NTRK2: variants seen among roughly 807,000 people sequenced by gnomAD.
The protein encoded by NTRK2 is BDNF/NT-3 growth factors receptor.
In NTRK2, 13 loss-of-function variants were observed where a neutral mutation model predicts 94.5. The observed-to-expected ratio is 0.14, with a 90% confidence interval of 0.09 to 0.22. The LOEUF (loss-of-function observed/expected upper bound fraction) is 0.22, where lower values mean the gene tolerates loss of function less well. NTRK2 is among the 10% of genes least tolerant of loss of function. The probability of loss-of-function intolerance (pLI) is 1.00; values close to 1 mark genes in which losing one functional copy is unlikely to be tolerated. For missense variants in NTRK2, 639 were observed against 1,071.2 expected (o/e 0.60, Z 5.63); for synonymous variants, 372 against 407.4 (o/e 0.91, Z 1.05).
rs148689248 is a variant in NTRK2, at chr9:84,706,809, C to T, written c.360-1035C>T. 1.4e-4 allele frequency among the ~76,000 whole-genome samples: 22 copies of T among 152,074 alleles called. No individual in the cohort carries two copies. In the East Asian group the frequency reaches 3.7e-3, roughly 26 times the overall value. On this transcript the variant is annotated intron_variant, in intron 4 of 18. Transcript: ENST00000277120. ...CCTCCCAAAGTGCTGGGATTACAGGCGTGAGCCACCGCACCTGGCCAGATC... is the reference window on the plus strand; with the variant it reads ...CCTCCCAAAGTGCTGGGATTACAGGTGTGAGCCACCGCACCTGGCCAGATC...
intron 14 of NTRK2, among the ~76,000 whole-genome samples, chr9:84,906,139 G>C (rs1301585817): frequency 1.3e-5 from 2 of 152,180 alleles, no homozygotes; most frequent in Non-Finnish European, 2.9e-5. Context: ...GGGAGATTTG[G>C]CTCTTGAGAA....
chr9:84,785,667 G>T (rs891322013), intron 12 of NTRK2, among the ~76,000 whole-genome samples: 2 of 152,156 alleles, frequency 1.3e-5, no homozygotes, highest in African/African-American at 4.8e-5. Flanking sequence ...GAATCTTCCA[G>T]TTTGAGAAGT....
At chr9:84,808,966 A>G (rs2071434138) in intron 12 of NTRK2, among the ~76,000 whole-genome samples, 1 of 152,146 alleles carries the variant, frequency 6.6e-6, no homozygotes, top group Non-Finnish European at 1.5e-5. Context: ...TCCAAAGTTG[A>G]ACTTGAAAAT....
Position 84,698,104 on chromosome 9 carries a change from A to C in NTRK2, c.213-4055A>C, listed in dbSNP as rs186003451. On this transcript the variant is annotated intron_variant, in intron 2 of 18. Coordinates refer to ENST00000277120, the MANE Select transcript of NTRK2 (RefSeq NM_006180.6). ...TAATAAAATAGTTTAGCAGTTTAAT[A>C]ACATAAATGGTATAAATAGTTTCTG... 2.6e-5 allele frequency among the ~76,000 whole-genome samples: 4 copies of C among 152,266 alleles called. No individual in the cohort carries two copies. In the East Asian group the frequency reaches 7.7e-4, roughly 29 times the overall value.
At chr9:84,953,269 C>T (rs1279889124) in intron 16 of NTRK2, among the ~76,000 whole-genome samples, 1 of 152,220 alleles carries the variant, frequency 6.6e-6, no homozygotes, top group Non-Finnish European at 1.5e-5. Context: ...TTTCACATCA[C>T]CTGTCAATTT....
intron 17 of NTRK2, among the ~76,000 whole-genome samples, chr9:84,988,997 A>G (rs949022492): frequency 6.6e-6 from 1 of 152,250 alleles, no homozygotes. Context: ...AAATTATGCT[A>G]TCCTTGGAGC....
At chr9:84,931,530 T>A (rs2078029657) in intron 14 of NTRK2, among the ~76,000 whole-genome samples, 1 of 151,660 alleles carries the variant, frequency 6.6e-6, no homozygotes, top group Non-Finnish European at 1.5e-5. Context: ...TAAATGCAAA[T>A]ATAGTAGCCC....
chr9:84,686,707 A>G (rs1366259290), intron 2 of NTRK2, among the ~76,000 whole-genome samples: 1 of 152,238 alleles, frequency 6.6e-6, no homozygotes, highest in African/African-American at 2.4e-5. Flanking sequence ...TGCAGTAAAA[A>G]TGCATTGGGC....
At chr9:84,877,525 A>G in intron 14 of NTRK2, 4 of 1,066,642 alleles carry the variant, frequency 3.8e-6, no homozygotes, top group Non-Finnish European at 3.4e-6. Flanking sequence ...CATGTGGCCA[A>G]GGACCCCCCT....
intron 14 of NTRK2, among the ~76,000 whole-genome samples, chr9:84,908,898 A>T (rs1026085842): frequency 1.3e-5 from 2 of 152,192 alleles, no homozygotes; most frequent in African/African-American, 4.8e-5. Flanking sequence ...TTCATATGGT[A>T]TTGTAAGAAA....
chr9:84,932,893 GTC>G (rs1183484034), intron 14 of NTRK2, among the ~76,000 whole-genome samples: 4 of 152,166 alleles, frequency 2.6e-5, no homozygotes, highest in Non-Finnish European at 1.5e-5. Context: ...TATAAATTAA[GTC>G]TCTGCTCATG....
At chr9:84,957,283 A>T (rs1247815912) in intron 17 of NTRK2, among the ~76,000 whole-genome samples, 1 of 152,230 alleles carries the variant, frequency 6.6e-6, no homozygotes, top group African/African-American at 2.4e-5. Context: ...CCACCTAATT[A>T]TTACCCAAAT....
chr9:84,744,675 A>G (rs1319325278), intron 10 of NTRK2, among the ~76,000 whole-genome samples: 2 of 152,172 alleles, frequency 1.3e-5, no homozygotes, highest in Non-Finnish European at 2.9e-5. Flanking sequence ...TAAATATGCC[A>G]TCCATAAAGG....
At chr9:84,882,717 T>C (rs540061856) in intron 14 of NTRK2, among the ~76,000 whole-genome samples, 1,603 of 143,990 alleles carry the variant, frequency 0.011, 28 homozygotes, top group African/African-American at 0.041. Flanking sequence ...TGTGTGTGTG[T>C]GTGCGCGCGC....
chr9:85,009,953 G>T (rs1159314637), intron 17 of NTRK2, among the ~76,000 whole-genome samples: 3 of 152,206 alleles, frequency 2.0e-5, no homozygotes, highest in Non-Finnish European at 4.4e-5. Flanking sequence ...TGATTTTGGT[G>T]TATTAAGTCC....
At chr9:84,687,463 C>A (rs1440820788) in intron 2 of NTRK2, among the ~76,000 whole-genome samples, 4 of 152,108 alleles carry the variant, frequency 2.6e-5, no homozygotes, top group African/African-American at 9.7e-5. Flanking sequence ...GAATTGCTTT[C>A]CCACCAATAA....
chr9:84,758,681 G>A lies in NTRK2; in HGVS notation c.1396+6596G>A, dbSNP rs181741495. Among the ~76,000 whole-genome samples the A allele has an allele frequency of 7.7e-3, 1,167 of 152,270 alleles. 14 individuals carry two copies. Among genetic ancestry groups the A allele is most frequent in the Non-Finnish European group, 8.0e-3 (546 of 68,024 alleles). ...GTTTGGATTATAGGCGTGAGCCACCGCACCCGGCCTTTTTGTAATTATTTT... is the reference window on the plus strand; with the variant it reads ...GTTTGGATTATAGGCGTGAGCCACCACACCCGGCCTTTTTGTAATTATTTT... On this transcript the variant is annotated intron_variant, in intron 12 of 18. Transcript: ENST00000277120.
At chr9:85,006,909 A>T (rs536392557) in intron 17 of NTRK2, among the ~76,000 whole-genome samples, 1 of 152,276 alleles carries the variant, frequency 6.6e-6, no homozygotes, top group South Asian at 2.1e-4. Flanking sequence ...CAGCCCCACC[A>T]GCACTTACAG....
At chr9:84,954,387 T>G (rs1823850650) in intron 16 of NTRK2, among the ~76,000 whole-genome samples, 1 of 152,214 alleles carries the variant, frequency 6.6e-6, no homozygotes, top group Non-Finnish European at 1.5e-5. Context: ...ACTTGCGTGT[T>G]AGGGTGCCCT....
Sources: gnomAD v4.1 joint callset for allele counts (sites outside exome capture counted in the v4.1 genomes callset) on GRCh38, gnomAD v4.1.1 for gene constraint, MANE v1.5 for transcripts, NCBI Gene and HGNC (gene_info 2026-07-23, HGNC 2026-07-21) for gene names.